The following HECW1 variants were observed in gnomAD, a reference collection of about 807,000 sequenced individuals.
HECW1 encodes the protein HECT, C2 and WW domain containing E3 ubiquitin protein ligase 1, also known as E3 ubiquitin-protein ligase HECW1.
In HECW1, 61 loss-of-function variants were observed where a neutral mutation model predicts 182.3. The observed-to-expected ratio is 0.33, with a 90% CI of 0.27 to 0.41. HECW1 has a LOEUF of 0.41. HECW1 is among the 10% of genes least tolerant of loss of function. The pLI, the probability that HECW1 is intolerant of heterozygous loss-of-function variation, is 1.00. For missense variants in HECW1, 1,739 were observed against 2,108.9 expected (o/e 0.82, Z 3.44); for synonymous variants, 859 against 832.6 (o/e 1.03, Z -0.55).
intron 2 of HECW1, among the ~76,000 whole-genome samples, chr7:43,132,673 G>A (rs1787086160): frequency 6.6e-6 from 1 of 152,128 alleles, no homozygotes; most frequent in Non-Finnish European, 1.5e-5. Context: ...ATTTTGCCCA[G>A]TGAGTGCCTT....
At chr7:43,144,214 T>TG (rs1340754673) in intron 2 of HECW1, among the ~76,000 whole-genome samples, 2 of 152,212 alleles carry the variant, frequency 1.3e-5, no homozygotes, top group East Asian at 3.8e-4. Flanking sequence ...ACAATTATAC[T>TG]GGGGCTATGT....
At chr7:43,417,774 C>T (rs1156959681) in intron 8 of HECW1, among the ~76,000 whole-genome samples, 1 of 152,132 alleles carries the variant, frequency 6.6e-6, no homozygotes, top group African/African-American at 2.4e-5. Flanking sequence ...TGATTTAAAT[C>T]ATTGTTGCTT....
chr7:43,349,762 C>T (rs1814165448), intron 5 of HECW1, among the ~76,000 whole-genome samples: 1 of 152,120 alleles, frequency 6.6e-6, no homozygotes, highest in Non-Finnish European at 1.5e-5. Flanking sequence ...AGTTGAGTCT[C>T]CTGAAGGCAG....
rs371770049 is a variant in HECW1, at chr7:43,334,776, T to C, written c.460+14034T>C. 7.2e-5 allele frequency among the ~76,000 whole-genome samples: 11 copies of C among 152,268 alleles called. No homozygotes were observed. The East Asian group carries it at 2.1e-3, about 29-fold the overall frequency. On this transcript the variant is annotated intron_variant, in intron 5 of 29. Coordinates refer to ENST00000395891, the MANE Select transcript of HECW1 (RefSeq NM_015052.5). Reference sequence around the variant, plus strand: ...GAGAACCCACCTTAGAGGGGAGAAATTGTGACATTATGCTTCTCATATCCT... The same window carrying C: ...GAGAACCCACCTTAGAGGGGAGAAACTGTGACATTATGCTTCTCATATCCT...
chr7:43,369,374 C>T (rs1817035157), intron 6 of HECW1, among the ~76,000 whole-genome samples: 1 of 152,136 alleles, frequency 6.6e-6, no homozygotes, highest in Admixed American at 6.5e-5. Context: ...AAGAGAATCG[C>T]TTGAACTCGG....
chr7:43,480,643 A>ATG (rs111776916), intron 17 of HECW1, among the ~76,000 whole-genome samples: 4,231 of 146,730 alleles, frequency 0.029, 77 homozygotes, highest in South Asian at 0.099. Flanking sequence ...GTGTGTACAT[A>ATG]TGTGTGTGTG....
intron 29 of HECW1, among the ~76,000 whole-genome samples, chr7:43,557,247 G>A (rs1295638621): frequency 6.6e-6 from 1 of 152,118 alleles, no homozygotes; most frequent in African/African-American, 2.4e-5. Context: ...CAGGTACTGT[G>A]AGCCACAGTG....
intron 18 of HECW1, 147 bp downstream of exon 18, chr7:43,492,327 A>G: frequency 1.7e-6 from 1 of 586,654 alleles, no homozygotes; most frequent in Non-Finnish European, 3.0e-6. Flanking sequence ...TATAGTGCAC[A>G]CCCCGACCCC....
chr7:43,414,147 G>T (rs2152851061), intron 8 of HECW1, among the ~76,000 whole-genome samples: 1 of 151,646 alleles, frequency 6.6e-6, no homozygotes, highest in East Asian at 1.9e-4. Context: ...GTGGTTTCTA[G>T]TTCTCCTTGA....
At position 43,561,937 on chromosome 7, in the gene HECW1, C is replaced by A; in HGVS notation, c.*11C>A. ...TTTGGACTTGAGTGAGGACATGGAA[C>A]CTCGCCTGACATTTTCCTGGCCAGT... On this transcript the variant is annotated 3_prime_UTR_variant, in exon 30 of 30. Coordinates refer to ENST00000395891, the MANE Select transcript of HECW1 (RefSeq NM_015052.5). The A allele has an allele frequency of 6.6e-7, 1 of 1,505,278 alleles. No homozygotes were observed. Among genetic ancestry groups the A allele is most frequent in the Non-Finnish European group, 9.3e-7 (1 of 1,080,948 alleles). 93.2% of individuals were successfully genotyped at this position (1,505,278 alleles called of 1,614,324 possible). A position where few individuals can be genotyped will look rare whatever the true frequency, so the allele number is the denominator to read the frequency against.
intron 6 of HECW1, among the ~76,000 whole-genome samples, chr7:43,391,593 T>C (rs2075032641): frequency 6.6e-6 from 1 of 152,158 alleles, no homozygotes; most frequent in Non-Finnish European, 1.5e-5. Flanking sequence ...GTCCCTGAGG[T>C]TGGGGAGATT....
In HECW1 at chr7:43,432,495, C is replaced by T. The variant is rs1227367482; in HGVS notation, c.802-5508C>T. Among the ~76,000 whole-genome samples the T allele has an allele frequency of 6.6e-6, 1 of 152,208 alleles. No homozygotes were observed. The highest frequency in any genetic ancestry group is 1.5e-5 in the Non-Finnish European group (1 of 68,034). On this transcript the variant is annotated intron_variant, in intron 8 of 29. Coordinates refer to ENST00000395891, the MANE Select transcript of HECW1 (RefSeq NM_015052.5). The surrounding 1 kb of genome is among the most constrained non-coding windows in gnomAD (Gnocchi z 4.1). ...CATTATGTTCTCTAGGAAATCGTCT[C>T]TACCTGTCCATCAGGCTGAGCCTTT...
At chr7:43,146,918 C>T (rs991250612) in intron 2 of HECW1, among the ~76,000 whole-genome samples, 11 of 152,188 alleles carry the variant, frequency 7.2e-5, no homozygotes, top group Non-Finnish European at 1.3e-4. Context: ...TGAAGATCAT[C>T]AAACTGGGAT....
At chr7:43,285,758 C>A (rs1804562346) in intron 3 of HECW1, among the ~76,000 whole-genome samples, 1 of 152,034 alleles carries the variant, frequency 6.6e-6, no homozygotes, top group Non-Finnish European at 1.5e-5. Flanking sequence ...TGCACTACTT[C>A]ACTCCAGCCT....
chr7:43,152,818 G>A (rs1190402915), intron 2 of HECW1, among the ~76,000 whole-genome samples: 1 of 152,160 alleles, frequency 6.6e-6, no homozygotes, highest in Non-Finnish European at 1.5e-5. Flanking sequence ...TGAGCTGGTT[G>A]TTTTCTTCAG....
intron 2 of HECW1, among the ~76,000 whole-genome samples, chr7:43,145,035 C>G (rs933978817): frequency 1.1e-4 from 17 of 152,012 alleles, no homozygotes; most frequent in Admixed American, 1.0e-3. Flanking sequence ...ACATTTGAAT[C>G]TTTAAATATA....
intron 2 of HECW1, among the ~76,000 whole-genome samples, chr7:43,133,990 A>T (rs1339809885): frequency 6.6e-6 from 1 of 152,198 alleles, no homozygotes; most frequent in African/African-American, 2.4e-5. Context: ...GTAGGCTAGG[A>T]TATATAGCTG....
chr7:43,511,194 C>T (rs2079848566), intron 24 of HECW1: 1 of 152,212 alleles, frequency 6.6e-6, no homozygotes, highest in Non-Finnish European at 1.5e-5. Context: ...TGTTAGAGGA[C>T]TTGGCCCCGC....
chr7:43,404,911 G>A lies in HECW1; in HGVS notation c.632-2651G>A, dbSNP rs529180456. 3.9e-5 allele frequency among the ~76,000 whole-genome samples: 6 copies of A among 152,242 alleles called. No individual in the cohort carries two copies. The South Asian group carries it at 1.2e-3, about 32-fold the overall frequency. On this transcript the variant is annotated intron_variant, in intron 7 of 29. Transcript: ENST00000395891. ...GAATTGCTTGAACCCGGGAGGCGGA[G>A]GTTGCAGTGAGCCAAGATTACACCA...
Sources: allele counts gnomAD v4.1 joint callset (sites outside exome capture counted in the v4.1 genomes callset), GRCh38; gene constraint gnomAD v4.1.1; non-coding constraint Gnocchi (gnomAD v3.1); transcripts MANE v1.5; gene names NCBI Gene and HGNC (gene_info 2026-07-23, HGNC 2026-07-21).